The following UBN1 variants were observed in gnomAD, a reference collection of about 807,000 sequenced individuals.
UBN1 encodes ubinuclein-1.
UBN1 carries 17 observed loss-of-function variants against 108.5 expected under a neutral mutation model. That is an observed-to-expected ratio of 0.16 (90% CI 0.11 to 0.24). UBN1 has a LOEUF of 0.24. Among genes scored for constraint, UBN1 ranks in the 10% least tolerant of loss-of-function variants. UBN1 has a pLI of 1.00. For synonymous variants in UBN1, 726 were observed against 564.2 expected, an observed-to-expected ratio of 1.29 and a Z score of -4.07; for missense variants, 1,595 against 1,394.4, an observed-to-expected ratio of 1.14 and a Z score of -2.29.
At chr16:4,854,485 G>A (rs12597870) in intron 2 of UBN1, among the ~76,000 whole-genome samples, 149,459 of 150,390 alleles carry the variant, frequency 0.99, 74,279 homozygotes, top group East Asian at 1. Flanking sequence ...CTAGGATTAC[G>A]GGTGCCAGCC....
rs375125712 is a variant in UBN1, at chr16:4,872,983, C to G, written c.1758-48C>G. On this transcript the variant is annotated intron_variant, in intron 13 of 17. Coordinates refer to ENST00000262376, the MANE Select transcript of UBN1 (RefSeq NM_001079514.3). ...TCTCGGGACAAGTGTTGTTTTTGGTCTCCTCTGGATATTCTCTAAACTTTT... is the reference window on the plus strand; with the variant it reads ...TCTCGGGACAAGTGTTGTTTTTGGTGTCCTCTGGATATTCTCTAAACTTTT... 5 of 1,614,046 alleles carry G rather than the reference C, an allele frequency of 3.1e-6. No individual in the cohort carries two copies. The African/African-American group carries it at 6.7e-5, about 22-fold the overall frequency.
rs370602252 is a variant in UBN1, at chr16:4,870,200, T to A, written c.1182-12T>A. 2 of 1,613,998 alleles carry A rather than the reference T, an allele frequency of 1.2e-6. No individual in the cohort carries two copies. The highest frequency in any genetic ancestry group is 2.7e-5 in the African/African-American group (2 of 74,928). Reference sequence around the variant, plus strand: ...GAGCTGCAGCCGGTGGTGACTGTGTTTTGTTCTTCAGCATAGAGGCGCAGA... The same window carrying A: ...GAGCTGCAGCCGGTGGTGACTGTGTATTGTTCTTCAGCATAGAGGCGCAGA... On this transcript the variant is annotated splice_polypyrimidine_tract_variant and intron_variant, in intron 8 of 17. Transcript: ENST00000262376.
intron 7 of UBN1, among the ~76,000 whole-genome samples, chr16:4,865,386 A>G (rs8055703): frequency 0.087 from 13,251 of 152,252 alleles, 615 homozygotes; most frequent in African/African-American, 0.12. Flanking sequence ...GTGGCTATCT[A>G]AACAGAAAAT....
At chr16:4,871,744 GC>G (rs1040450696) in intron 12 of UBN1, among the ~76,000 whole-genome samples, 7 of 151,908 alleles carry the variant, frequency 4.6e-5, no homozygotes, top group African/African-American at 1.7e-4. Context: ...CTGCCACCAT[GC>G]CCGGCTAATT....
At chr16:4,853,734 G>C (rs1327627273) in intron 2 of UBN1, among the ~76,000 whole-genome samples, 1 of 151,796 alleles carries the variant, frequency 6.6e-6, no homozygotes, top group Non-Finnish European at 1.5e-5. Context: ...GCTAATTTCT[G>C]TGTTTTTAGT....
rs767831953 is a variant in UBN1, at chr16:4,858,000, T to G, written c.260T>G (p.Leu87Arg). ...GLQPGDKKKD[L>R]SDPFNDEEKE... ...ACGATCTCTTTACAGAAGAAAGATCTGTCAGATCCTTTCAATGACGAAGAA... is the reference window on the plus strand; with the variant it reads ...ACGATCTCTTTACAGAAGAAAGATCGGTCAGATCCTTTCAATGACGAAGAA... The change falls in exon 3 of 18, where the codon CTG (leucine) becomes CGG (arginine). Residue 87 changes from leucine (L) to arginine (R), a missense_variant. Leu to Arg is a moderately radical substitution (Grantham distance 102, BLOSUM62 -2). Around this residue, in one of 3 missense-constraint regions of UBN1, gnomAD observed 181 missense variants for 157.3 expected, o/e 1.15. Transcript: ENST00000262376. The G allele has an allele frequency of 6.2e-7, 1 of 1,611,380 alleles. No homozygotes were observed. Among genetic ancestry groups the G allele is most frequent in the Non-Finnish European group, 8.5e-7 (1 of 1,178,924 alleles).
At chr16:4,855,385 C>T (rs1445906912) in intron 2 of UBN1, among the ~76,000 whole-genome samples, 3 of 152,028 alleles carry the variant, frequency 2.0e-5, no homozygotes, top group South Asian at 2.1e-4. Flanking sequence ...GAGTCTGAGA[C>T]ATGAGGATCA....
Position 4,880,375 on chromosome 16 carries a change from G to A in UBN1, c.*243G>A. On this transcript the variant is annotated 3_prime_UTR_variant, in exon 18 of 18. Coordinates refer to ENST00000262376, the MANE Select transcript of UBN1 (RefSeq NM_001079514.3). ...CTTGCAGCTCTGTCGCTAGACGGTT[G>A]TTAGAGGGGCAGCTCTAGGCTGGGG... is the stretch of plus-strand genomic sequence containing the variant. 3.9e-6 allele frequency: 2 copies of A among 513,490 alleles called. No homozygotes were observed. The highest frequency in any genetic ancestry group is 7.1e-6 in the Non-Finnish European group (2 of 282,112). 31.8% of individuals were successfully genotyped at this position (513,490 alleles called of 1,614,324 possible).
chr16:4,860,591 G>C lies in UBN1; in HGVS notation c.672-73G>C, dbSNP rs531401095. 378 of 1,450,270 alleles carry C rather than the reference G, an allele frequency of 2.6e-4. 1 individual carries two copies. In the East Asian group the frequency reaches 7.4e-3, roughly 28 times the overall value. The allele number at this position is 1,450,270 out of a possible 1,614,324, so 89.8% of individuals were successfully genotyped here. A position where few individuals can be genotyped will look rare whatever the true frequency, so the allele number is the denominator to read the frequency against. On this transcript the variant is annotated intron_variant, in intron 6 of 17. Transcript: ENST00000262376. ...CCTGGAGACCATGACCCTGGGAGCA[G>C]GGGTGAAGGCCTCTGGAGTTCCCTT...
intron 7 of UBN1, among the ~76,000 whole-genome samples, chr16:4,861,588 A>G (rs2087066748): frequency 6.6e-6 from 1 of 152,236 alleles, no homozygotes; most frequent in South Asian, 2.1e-4. Flanking sequence ...GATTACAGGA[A>G]TGCCTCAAAT....
intron 1 of UBN1, among the ~76,000 whole-genome samples, chr16:4,851,359 A>G (rs964545634): frequency 6.6e-5 from 10 of 152,210 alleles, no homozygotes; most frequent in African/African-American, 2.4e-4. Context: ...CTGAGGTAGG[A>G]GGATCGCTTT....
At chr16:4,863,331 T>G (rs1238892003) in intron 7 of UBN1, among the ~76,000 whole-genome samples, 1 of 152,204 alleles carries the variant, frequency 6.6e-6, no homozygotes, top group Non-Finnish European at 1.5e-5. Flanking sequence ...CTTGGGGCAC[T>G]TGGAGTCCCT....
chr16:4,858,124 C>T (rs1347834824), intron 3 of UBN1, 48 bp downstream of exon 3: 20 of 1,218,822 alleles, frequency 1.6e-5, no homozygotes, highest in South Asian at 6.0e-5. Flanking sequence ...GGGTGGGAGA[C>T]GTTTCCACAC....
At chr16:4,868,758 C>G (rs1244444053) in intron 7 of UBN1, 75 bp from the exon 8 acceptor site, 3 of 1,462,600 alleles carry the variant, frequency 2.1e-6, no homozygotes, top group Non-Finnish European at 2.8e-6. Flanking sequence ...AGCGATGACT[C>G]CTGTGCCTGT....
chr16:4,859,264 G>A (rs570302774), intron 5 of UBN1, 105 bp downstream of exon 5: 4 of 1,491,834 alleles, frequency 2.7e-6, no homozygotes, highest in South Asian at 2.6e-5. Context: ...GGCTCAGGAG[G>A]ATGGTGGAAA....
intron 8 of UBN1, 135 bp from the exon 9 acceptor site, chr16:4,870,077 C>T (rs2087546019): frequency 1.5e-6 from 2 of 1,296,162 alleles, no homozygotes; most frequent in Admixed American, 2.3e-5. Flanking sequence ...CTTGGGCATT[C>T]AGTTACATTG....
In UBN1 at chr16:4,847,773, C is replaced by T. The variant is rs927861897; in HGVS notation, c.-477C>T. ...GCCTGGAACTCAGCCTCCGCCGGGTCTGGGCTCCCGCGCCCGGCAACTCTG... is the reference window on the plus strand; with the variant it reads ...GCCTGGAACTCAGCCTCCGCCGGGTTTGGGCTCCCGCGCCCGGCAACTCTG... On this transcript the variant is annotated 5_prime_UTR_variant, in exon 1 of 18. Coordinates refer to ENST00000262376, the MANE Select transcript of UBN1 (RefSeq NM_001079514.3). The T allele has an allele frequency of 1.3e-5, 2 of 153,436 alleles. No homozygotes were observed. Among genetic ancestry groups the T allele is most frequent in the Non-Finnish European group, 2.9e-5 (2 of 68,896 alleles). 9.5% of individuals were successfully genotyped at this position (153,436 alleles called of 1,614,324 possible). A position where few individuals can be genotyped will look rare whatever the true frequency, so the allele number is the denominator to read the frequency against.
At chr16:4,871,693 T>G (rs994299411) in intron 12 of UBN1, among the ~76,000 whole-genome samples, 1 of 150,608 alleles carries the variant, frequency 6.6e-6, no homozygotes, top group Non-Finnish European at 1.5e-5. Flanking sequence ...TTCACGCCGT[T>G]CTCCTGCCTC....
intron 5 of UBN1, 144 bp downstream of exon 5, chr16:4,859,303 C>G: frequency 2.6e-6 from 3 of 1,174,770 alleles, no homozygotes; most frequent in Non-Finnish European, 3.6e-6. Flanking sequence ...TGATGGCTCG[C>G]CTCTTACACG....
Sources: allele counts gnomAD v4.1 joint callset (sites outside exome capture counted in the v4.1 genomes callset), GRCh38; gene constraint gnomAD v4.1.1; regional missense constraint gnomAD v4.1.1; transcripts MANE v1.5; gene names NCBI Gene and HGNC (gene_info 2026-07-23, HGNC 2026-07-21).